ITGB5: variants seen among roughly 807,000 people sequenced by gnomAD.
ITGB5 encodes integrin beta-5.
Under a neutral mutation model 84.8 loss-of-function variants are expected in ITGB5, and 38 were observed. That is an observed-to-expected ratio of 0.45 (90% confidence interval 0.35 to 0.59). ITGB5 has a LOEUF of 0.59. Among genes scored for constraint, ITGB5 ranks in the 20% least tolerant of loss-of-function variants. ITGB5 has a pLI of 0.01. For missense variants in ITGB5, 905 were observed against 1,034.5 expected (o/e 0.87, Z 1.72); for synonymous variants, 393 against 414.4 (o/e 0.95, Z 0.63).
At chr3:124,886,180 A>G (rs548693416) in intron 1 of ITGB5, among the ~76,000 whole-genome samples, 1 of 152,222 alleles carries the variant, frequency 6.6e-6, no homozygotes, top group African/African-American at 2.4e-5. Flanking sequence ...CCTCTGCTCC[A>G]GAATCCTCCA....
At chr3:124,877,447 C>T (rs1934377873) in intron 1 of ITGB5, among the ~76,000 whole-genome samples, 1 of 152,118 alleles carries the variant, frequency 6.6e-6, no homozygotes, top group Admixed American at 6.5e-5. Context: ...CTTTGCTCCT[C>T]CTCTCCTCAA....
intron 5 of ITGB5, among the ~76,000 whole-genome samples, chr3:124,822,919 A>C (rs1335963921): frequency 1.3e-5 from 2 of 152,148 alleles, no homozygotes; most frequent in African/African-American, 4.8e-5. Context: ...GAGGCTTCCC[A>C]GCGCAGACGA....
intron 10 of ITGB5, among the ~76,000 whole-genome samples, chr3:124,783,769 T>C (rs1051655306): frequency 3.3e-5 from 5 of 152,250 alleles, no homozygotes; most frequent in African/African-American, 1.2e-4. Flanking sequence ...TGGAAGAACA[T>C]GGTTGTGGTC....
At chr3:124,871,247 T>C (rs1934031026) in intron 2 of ITGB5, among the ~76,000 whole-genome samples, 1 of 151,636 alleles carries the variant, frequency 6.6e-6, no homozygotes, top group African/African-American at 2.4e-5. Flanking sequence ...CAGGCTGGAG[T>C]GCAATGGCCT....
intron 8 of ITGB5, among the ~76,000 whole-genome samples, chr3:124,810,762 A>G (rs1351203321): frequency 6.6e-6 from 1 of 152,178 alleles, no homozygotes; most frequent in Non-Finnish European, 1.5e-5. Flanking sequence ...CTCAACACAG[A>G]GTATAGCATG....
At position 124,821,297 on chromosome 3, in the gene ITGB5, G is replaced by T. The variant is rs908802567; in HGVS notation, c.942+16C>A. 2 of 1,605,478 alleles carry T rather than the reference G, an allele frequency of 1.2e-6. No homozygotes were observed. Among genetic ancestry groups the T allele is most frequent in the South Asian group, 1.1e-5 (1 of 89,796 alleles). On this transcript the variant is annotated intron_variant, in intron 6 of 14. Coordinates refer to ENST00000296181, the MANE Select transcript of ITGB5 (RefSeq NM_002213.5). Reference sequence around the variant, plus strand: ...GAGAGGCAACAGGGAGGGGGGATCTGGTTCCCGGCACTCACCATCTGGTTG... The same window carrying T: ...GAGAGGCAACAGGGAGGGGGGATCTTGTTCCCGGCACTCACCATCTGGTTG...
In ITGB5 at chr3:124,821,410, T is replaced by TG; in HGVS notation, c.844dup (p.His282ProfsTer92). 6.2e-7 allele frequency: 1 copy of TG among 1,614,230 alleles called. No individual in the cohort carries two copies. On this transcript the variant is annotated frameshift_variant, in exon 6 of 15. Coordinates refer to ENST00000296181, the MANE Select transcript of ITGB5 (RefSeq NM_002213.5). LOFTEE classifies it high-confidence loss of function. ...TCCCAATTTTCCATCCAATGCGATG[T>TG]GGGGCACATCATCTGTTGTGAACAC...
chr3:124,791,886 G>C (rs1052313301), intron 10 of ITGB5: 3 of 152,286 alleles, frequency 2.0e-5, no homozygotes, highest in Middle Eastern at 6.8e-3. Context: ...CCCAGGGACT[G>C]GAATTCCTTA....
chr3:124,782,628 C>T (rs1013113580), intron 10 of ITGB5, among the ~76,000 whole-genome samples: 2 of 151,818 alleles, frequency 1.3e-5, no homozygotes, highest in Non-Finnish European at 2.9e-5. Context: ...GAGGCCGAGG[C>T]GGGAGAATCA....
At chr3:124,850,929 C>A (rs1005844951) in intron 3 of ITGB5, among the ~76,000 whole-genome samples, 1 of 152,206 alleles carries the variant, frequency 6.6e-6, no homozygotes, top group East Asian at 1.9e-4. Context: ...CATGGGCAGA[C>A]AACAGACCCC....
intron 6 of ITGB5, 137 bp from the exon 7 acceptor site, chr3:124,819,971 A>G: frequency 1.4e-6 from 1 of 716,860 alleles, no homozygotes; most frequent in East Asian, 2.5e-5. Flanking sequence ...GAGTCCCTTA[A>G]TAACTAAGCC....
intron 9 of ITGB5, among the ~76,000 whole-genome samples, chr3:124,802,574 C>G (rs1222748354): frequency 6.6e-6 from 1 of 152,250 alleles, no homozygotes; most frequent in African/African-American, 2.4e-5. Flanking sequence ...GTCACAAGGG[C>G]CCCCACTCAG....
chr3:124,821,156 A>G (rs1208172099), intron 6 of ITGB5, among the ~76,000 whole-genome samples, 157 bp downstream of exon 6: 2 of 152,230 alleles, frequency 1.3e-5, no homozygotes, highest in African/African-American at 2.4e-5. Flanking sequence ...ACCCAGTTGG[A>G]GAAGACTGAA....
intron 11 of ITGB5, chr3:124,769,327 G>A: frequency 1.9e-6 from 1 of 533,184 alleles, no homozygotes; most frequent in South Asian, 2.5e-5. Context: ...TTAGTGGCAT[G>A]TCTTGTCTAC....
At chr3:124,787,554 C>G (rs769054792) in intron 10 of ITGB5, 1 of 152,244 alleles carries the variant, frequency 6.6e-6, no homozygotes, top group Non-Finnish European at 1.5e-5. Flanking sequence ...AGCTGTATAT[C>G]CCTGGCAGCC....
chr3:124,783,779 C>A (rs1053810937), intron 10 of ITGB5, among the ~76,000 whole-genome samples: 11 of 152,210 alleles, frequency 7.2e-5, no homozygotes, highest in Non-Finnish European at 1.6e-4. Context: ...TGGTTGTGGT[C>A]ACACTGAAAT....
At chr3:124,870,403 T>C (rs1444324444) in intron 2 of ITGB5, among the ~76,000 whole-genome samples, 1 of 152,188 alleles carries the variant, frequency 6.6e-6, no homozygotes, top group Non-Finnish European at 1.5e-5. Context: ...GTAAGCGCCA[T>C]TCAGGAATAC....
chr3:124,900,864 A>G (rs1018686557), intron 1 of ITGB5, among the ~76,000 whole-genome samples: 1 of 152,198 alleles, frequency 6.6e-6, no homozygotes, highest in African/African-American at 2.4e-5. Context: ...TCTCTGAACA[A>G]TTGTACCAAA....
chr3:124,882,838 G>A (rs559461349), intron 1 of ITGB5, among the ~76,000 whole-genome samples: 11 of 152,318 alleles, frequency 7.2e-5, no homozygotes, highest in Admixed American at 2.6e-4. Context: ...GTACCCCGCA[G>A]TGCCTTCAAA....
Sources: allele counts gnomAD v4.1 joint callset (sites outside exome capture counted in the v4.1 genomes callset), GRCh38; gene constraint gnomAD v4.1.1; transcripts MANE v1.5; gene names NCBI Gene and HGNC (gene_info 2026-07-23, HGNC 2026-07-21).